Variants in SORBS2 observed in about 807,000 individuals in gnomAD.
The protein encoded by SORBS2 is sorbin and SH3 domain containing 2, also known as sorbin and SH3 domain-containing protein 2.
A neutral mutation model predicts 97.7 loss-of-function variants in SORBS2; 46 were observed. The ratio of observed to expected loss-of-function variants is 0.47; its 90% CI spans 0.37 to 0.60. The LOEUF (loss-of-function observed/expected upper bound fraction) is 0.60, where lower values mean the gene tolerates loss of function less well. Among genes scored for constraint, SORBS2 ranks in the 20% least tolerant of loss-of-function variants. SORBS2 has a pLI of 0.00. For synonymous variants in SORBS2, 476 were observed against 473.4 expected, an observed-to-expected ratio of 1.01 and a Z score of -0.07; for missense variants, 1,316 against 1,282.3, an observed-to-expected ratio of 1.03 and a Z score of -0.40.
At chr4:185,944,433 G>A (rs952253914) in intron 1 of SORBS2, among the ~76,000 whole-genome samples, 4 of 152,168 alleles carry the variant, frequency 2.6e-5, no homozygotes, top group Non-Finnish European at 4.4e-5. Flanking sequence ...TAACATGTCA[G>A]TTCTAACAAA....
At chr4:185,636,841 G>A (rs1401275069) in intron 4 of SORBS2, among the ~76,000 whole-genome samples, 1 of 152,120 alleles carries the variant, frequency 6.6e-6, no homozygotes, top group Non-Finnish European at 1.5e-5. Context: ...CAGAGACGGG[G>A]TTTCACCATG....
At chr4:185,738,017 G>A (rs62334818) in intron 2 of SORBS2, among the ~76,000 whole-genome samples, 19,576 of 152,208 alleles carry the variant, frequency 0.13, 1,342 homozygotes, top group Middle Eastern at 0.2. Flanking sequence ...GGAAAACAGT[G>A]AGAGGGAAGC....
chr4:185,926,080 T>C (rs2099263506), intron 1 of SORBS2, among the ~76,000 whole-genome samples: 1 of 152,024 alleles, frequency 6.6e-6, no homozygotes, highest in Non-Finnish European at 1.5e-5. Flanking sequence ...GAGAGTAAGC[T>C]GAAACAGAGC....
chr4:185,631,960 G>A (rs935698444), intron 4 of SORBS2, among the ~76,000 whole-genome samples: 1 of 152,222 alleles, frequency 6.6e-6, no homozygotes, highest in South Asian at 2.1e-4. Flanking sequence ...CTGTATGAAA[G>A]CTTAAAAATG....
At chr4:185,774,681 A>G (rs1275219049) in intron 2 of SORBS2, 1 of 139,496 alleles carries the variant, frequency 7.2e-6, no homozygotes, top group African/African-American at 2.9e-5. Flanking sequence ...CTAGGAACAT[A>G]CAAAACAACA....
intron 4 of SORBS2, among the ~76,000 whole-genome samples, chr4:185,671,963 A>G (rs546250992): frequency 8.5e-4 from 129 of 152,340 alleles, no homozygotes; most frequent in African/African-American, 3.0e-3. Flanking sequence ...CTAATGTTCA[A>G]TTATTTAAAT....
At chr4:185,883,524 A>G (rs1352900747) in intron 1 of SORBS2, among the ~76,000 whole-genome samples, 3 of 152,240 alleles carry the variant, frequency 2.0e-5, no homozygotes, top group Non-Finnish European at 4.4e-5. Context: ...TCCAAGAGAA[A>G]TGAAAACCTA....
intron 1 of SORBS2, among the ~76,000 whole-genome samples, chr4:185,804,069 C>T (rs1467683101): frequency 1.3e-5 from 2 of 152,130 alleles, no homozygotes; most frequent in African/African-American, 4.8e-5. Flanking sequence ...TTGAAAAAGT[C>T]TCGATGACTT....
At chr4:185,676,223 G>C (rs532542991) in intron 4 of SORBS2, among the ~76,000 whole-genome samples, 1 of 151,956 alleles carries the variant, frequency 6.6e-6, no homozygotes, top group Non-Finnish European at 1.5e-5. Flanking sequence ...TTCTTTGTTC[G>C]GACTCACAGA....
intron 4 of SORBS2, among the ~76,000 whole-genome samples, chr4:185,644,794 T>A (rs2097182082): frequency 6.6e-6 from 1 of 151,992 alleles, no homozygotes; most frequent in South Asian, 2.1e-4. Flanking sequence ...AAACGAGGAG[T>A]CTTTAAAGTC....
intron 2 of SORBS2, 74 bp from the exon 3 acceptor site, chr4:185,734,228 C>T (rs916463756): frequency 3.3e-5 from 5 of 152,626 alleles, no homozygotes; most frequent in African/African-American, 9.6e-5. Flanking sequence ...AAAACAGCGG[C>T]GAGATCAAAC....
At chr4:185,772,846 G>A (rs2098979301) in intron 2 of SORBS2, 1 of 152,158 alleles carries the variant, frequency 6.6e-6, no homozygotes, top group Admixed American at 6.6e-5. Flanking sequence ...AAGTCACCTG[G>A]CCTTGGGTTA....
intron 2 of SORBS2, among the ~76,000 whole-genome samples, chr4:185,736,200 G>A (rs891078659): frequency 1.3e-5 from 2 of 152,200 alleles, no homozygotes; most frequent in African/African-American, 2.4e-5. Context: ...TGTCAATGAA[G>A]GAGCAATCTC....
At chr4:185,842,577 A>C (rs2153677968) in intron 1 of SORBS2, among the ~76,000 whole-genome samples, 1 of 152,294 alleles carries the variant, frequency 6.6e-6, no homozygotes, top group Admixed American at 6.5e-5. Context: ...GTTGAAAAAT[A>C]GTCACTAGAG....
chr4:185,668,341 G>A (rs924142696), intron 4 of SORBS2, among the ~76,000 whole-genome samples: 6 of 152,126 alleles, frequency 3.9e-5, no homozygotes, highest in Non-Finnish European at 7.4e-5. Context: ...TCCACCTTTC[G>A]AATTTCTTTC....
chr4:185,764,590 G>A (rs1239355880), intron 2 of SORBS2, among the ~76,000 whole-genome samples: 1 of 152,138 alleles, frequency 6.6e-6, no homozygotes, highest in African/African-American at 2.4e-5. Context: ...TAAATTTTCA[G>A]AAAATTTGGG....
chr4:185,855,881 G>T (rs2099220399), intron 1 of SORBS2, among the ~76,000 whole-genome samples: 1 of 152,194 alleles, frequency 6.6e-6, no homozygotes, highest in East Asian at 1.9e-4. Flanking sequence ...ATGGTAAGTT[G>T]TCAAAAGATG....
intron 4 of SORBS2, among the ~76,000 whole-genome samples, chr4:185,664,062 G>A (rs1344215504): frequency 6.6e-6 from 1 of 151,732 alleles, no homozygotes; most frequent in African/African-American, 2.4e-5. Flanking sequence ...CACCATGTTA[G>A]CCAGGATGGT....
chr4:185,871,724 G>A (rs2099230513), intron 1 of SORBS2, among the ~76,000 whole-genome samples: 2 of 152,204 alleles, frequency 1.3e-5, no homozygotes, highest in Non-Finnish European at 2.9e-5. Flanking sequence ...TGTGAAAGGT[G>A]GAGATCGTTT....
Sources: gnomAD v4.1 joint callset for allele counts (sites outside exome capture counted in the v4.1 genomes callset) on GRCh38, gnomAD v4.1.1 for gene constraint, MANE v1.5 for transcripts, NCBI Gene and HGNC (gene_info 2026-07-23, HGNC 2026-07-21) for gene names.